The following TSPOAP1 variants were observed in gnomAD, a reference collection of about 807,000 sequenced individuals.
TSPOAP1 encodes the protein peripheral-type benzodiazepine receptor-associated protein 1.
TSPOAP1 carries 87 observed loss-of-function variants against 197.0 expected under a neutral mutation model. That is an observed-to-expected ratio of 0.44 (90% CI 0.37 to 0.53). The LOEUF (loss-of-function observed/expected upper bound fraction) is 0.53. TSPOAP1 is among the 20% of genes least tolerant of loss of function. TSPOAP1 has a pLI of 0.00. For missense variants in TSPOAP1, 2,174 were observed against 2,411.3 expected (o/e 0.90, Z 2.06); for synonymous variants, 913 against 998.9 (o/e 0.91, Z 1.62).
intron 24 of TSPOAP1, chr17:58,307,401 C>T: frequency 1.6e-6 from 1 of 626,790 alleles, no homozygotes; most frequent in South Asian, 2.1e-5. Flanking sequence ...CCCCATTTTA[C>T]CAAAAAGAAA....
At chr17:58,305,926 G>T (rs1970875682) in intron 26 of TSPOAP1, 61 bp from the exon 27 acceptor site, 2 of 1,581,386 alleles carry the variant, frequency 1.3e-6, no homozygotes, top group East Asian at 4.5e-5. Flanking sequence ...TGCAGGTGCT[G>T]CAGCGCAGGC....
intron 11 of TSPOAP1, 74 bp from the exon 12 acceptor site, chr17:58,320,203 G>T: frequency 6.4e-7 from 1 of 1,561,850 alleles, no homozygotes; most frequent in South Asian, 1.1e-5. Context: ...AGAGGGAGGC[G>T]GAGAAGGGGG....
Position 58,308,906 on chromosome 17 carries a change from C to T in TSPOAP1, c.4366G>A (p.Glu1456Lys). ...GCCTCTAGTCCAGTCCTGGGGCCCT[C>T]AATTACGGGGAGGCCACCCCTCTCC... ...TRERGGLPVIEGPRTGLEASG... is the reference protein window; with the variant it reads ...TRERGGLPVIKGPRTGLEASG... The change falls in exon 22 of 32, where the codon GAG (glutamate) becomes AAG (lysine). Residue 1456 changes from glutamate to lysine, a missense_variant. By Grantham distance (56) the Glu-to-Lys change is moderately conservative. This residue lies in a region of TSPOAP1 where 1,933 missense variants were observed against 2,139.0 expected (regional missense o/e 0.90). Transcript: ENST00000343736. The T allele has an allele frequency of 6.3e-7, 1 of 1,596,078 alleles. No homozygotes were observed. Among genetic ancestry groups the T allele is most frequent in the Non-Finnish European group, 8.5e-7 (1 of 1,170,780 alleles).
chr17:58,319,789 A>G (rs1809995484), intron 12 of TSPOAP1, among the ~76,000 whole-genome samples: 1 of 152,222 alleles, frequency 6.6e-6, no homozygotes, highest in African/African-American at 2.4e-5. Flanking sequence ...AAGTTTTCTC[A>G]GGTCTGAGGA....
intron 13 of TSPOAP1, among the ~76,000 whole-genome samples, chr17:58,318,860 C>T (rs1971317708): frequency 6.6e-6 from 1 of 152,154 alleles, no homozygotes; most frequent in Non-Finnish European, 1.5e-5. Flanking sequence ...CCATTCAGGT[C>T]CTTTTGGAAG....
chr17:58,327,069 G>A (rs940896033), intron 1 of TSPOAP1, among the ~76,000 whole-genome samples: 3 of 151,930 alleles, frequency 2.0e-5, no homozygotes, highest in Non-Finnish European at 4.4e-5. Flanking sequence ...ATGCGAGCTC[G>A]AGCTCCCACT....
At position 58,304,831 on chromosome 17, in the gene TSPOAP1, C is replaced by G. The variant is rs1217226616; in HGVS notation, c.5544+230G>C. 1.6e-6 allele frequency: 1 copy of G among 644,624 alleles called. No individual in the cohort carries two copies. The highest frequency in any genetic ancestry group is 2.9e-6 in the Non-Finnish European group (1 of 350,066). 39.9% of individuals were successfully genotyped at this position (644,624 alleles called of 1,614,324 possible). ...AGGTGTTGGCAGCTGGCGAGATGGC[C>G]TGAGGGTCAGGGTCACAGCTATCAT... On this transcript the variant is annotated intron_variant, in intron 30 of 31. Transcript: ENST00000343736. The surrounding 1 kb of genome is among the most constrained non-coding windows in gnomAD (Gnocchi z 4.2).
intron 26 of TSPOAP1, 95 bp downstream of exon 26, chr17:58,306,247 C>T: frequency 7.8e-7 from 1 of 1,277,276 alleles, no homozygotes; most frequent in Non-Finnish European, 1.1e-6. Context: ...CACACACATC[C>T]TCCCAGCACC....
chr17:58,314,759 G>A (rs916424418), intron 16 of TSPOAP1, among the ~76,000 whole-genome samples: 2 of 152,248 alleles, frequency 1.3e-5, no homozygotes, highest in Non-Finnish European at 2.9e-5. Flanking sequence ...GGGAGACAAA[G>A]GCAGGAGTCT....
rs756156458 is a variant in TSPOAP1 at position 58,310,129 on chromosome 17, A to C, written c.3729T>G (p.His1243Gln). 7.4e-6 allele frequency: 12 copies of C among 1,613,190 alleles called. No individual in the cohort carries two copies. The highest frequency in any genetic ancestry group is 1.0e-5 in the Non-Finnish European group (12 of 1,179,988). ...CGTGGTCCACGAGGGAGTTCACCAG[A>C]TGAACCCCAAGCTCTGCTGTGTCCT... The part of the protein sequence containing the change: ...EKEDTAELGV[H>Q]LVNSLVDHGR... Residue 1243 changes from histidine to glutamine, a missense_variant, in exon 21 of 32, where the codon CAT becomes CAG. His to Gln is a conservative substitution (Grantham distance 24, BLOSUM62 0). This residue lies in a region of TSPOAP1 where 1,933 missense variants were observed against 2,139.0 expected (regional missense o/e 0.90). Transcript: ENST00000343736.
Position 58,309,255 on chromosome 17 carries a change from T to G in TSPOAP1, c.4017A>C (p.Glu1339Asp). Reference sequence around the variant, plus strand: ...ACTTCTCCTCCTCCTCGTCCTCCTCTTCCTCTTCCTCCTCCTCCGGGATGC... The same window carrying G: ...ACTTCTCCTCCTCCTCGTCCTCCTCGTCCTCTTCCTCCTCCTCCGGGATGC... ...LFSIPEEEEE[E>D]EEDEEEEKSG... The change falls in exon 22 of 32, where the codon GAA (glutamate) becomes GAC (aspartate). Residue 1339 changes from glutamate (E) to aspartate (D), a missense_variant. By Grantham distance (45) the Glu-to-Asp change is conservative. Transcript: ENST00000343736. The surrounding 1 kb of genome is among the most constrained non-coding windows in gnomAD (Gnocchi z 5.0). The G allele has an allele frequency of 1.2e-6, 2 of 1,613,568 alleles. No homozygotes were observed. Among genetic ancestry groups the G allele is most frequent in the Non-Finnish European group, 1.7e-6 (2 of 1,179,756 alleles).
At position 58,309,869 on chromosome 17, in the gene TSPOAP1, T is replaced by C; in HGVS notation, c.3891+98A>G. On this transcript the variant is annotated intron_variant, in intron 21 of 31. Transcript: ENST00000343736. The surrounding 1 kb of genome is among the most constrained non-coding windows in gnomAD (Gnocchi z 5.0). The stretch of plus-strand genomic sequence containing the variant: ...GCCCAGGCCACAGACCTAGAATGTT[T>C]CTGGCACTCAGTGGTGGTCAGAGCA... 6.9e-7 allele frequency: 1 copy of C among 1,449,684 alleles called. No homozygotes were observed. The highest frequency in any genetic ancestry group is 9.3e-7 in the Non-Finnish European group (1 of 1,075,152). 89.8% of individuals were successfully genotyped at this position (1,449,684 alleles called of 1,614,324 possible). A position where few individuals can be genotyped will look rare whatever the true frequency, so the allele number is the denominator to read the frequency against.
At position 58,310,748 on chromosome 17, in the gene TSPOAP1, C is replaced by T. The variant is rs1971053473; in HGVS notation, c.3463G>A (p.Glu1155Lys). 3 of 1,611,498 alleles carry T rather than the reference C, an allele frequency of 1.9e-6. No individual in the cohort carries two copies. Among genetic ancestry groups the T allele is most frequent in the Non-Finnish European group, 2.5e-6 (3 of 1,178,834 alleles). ...EDPPAPCSQE[E>K]AGAAVLGTSE... ...GTGCCCAGCACTGCTGCCCCAGCCT[C>T]CTCCTGGAACAGAGAGCACTGAGGA... Residue 1155 changes from glutamate (E) to lysine (K), a missense_variant, in exon 20 of 32, where the codon GAG (glutamate) becomes AAG (lysine). Around this residue, in one of 5 missense-constraint regions of TSPOAP1, gnomAD observed 1,933 missense variants for 2,139.0 expected, o/e 0.90. Transcript: ENST00000343736.
At position 58,322,832 on chromosome 17, in the gene TSPOAP1, C is replaced by T. The variant is rs994560407; in HGVS notation, c.1195-56G>A. 2 of 1,608,254 alleles carry T rather than the reference C, an allele frequency of 1.2e-6. No individual in the cohort carries two copies. Among genetic ancestry groups the T allele is most frequent in the Non-Finnish European group, 1.7e-6 (2 of 1,176,984 alleles). ...TGGGTGAGCCTTGACCCACCAGCACCCTCACAGGGGGAACAGTACCCTACC... is the reference window on the plus strand; with the variant it reads ...TGGGTGAGCCTTGACCCACCAGCACTCTCACAGGGGGAACAGTACCCTACC... On this transcript the variant is annotated intron_variant, in intron 8 of 31. Transcript: ENST00000343736. This position sits in a 1 kb window ranked among gnomAD's most constrained non-coding sequence, Gnocchi z 5.0.
Position 58,326,814 on chromosome 17 carries a change from C to T in TSPOAP1, c.334-24G>A. 1 of 1,604,758 alleles carries T rather than the reference C, an allele frequency of 6.2e-7. No homozygotes were observed. Among genetic ancestry groups the T allele is most frequent in the East Asian group, 2.2e-5 (1 of 44,836 alleles). On this transcript the variant is annotated intron_variant, in intron 1 of 31. Transcript: ENST00000343736. The surrounding 1 kb of genome is among the most constrained non-coding windows in gnomAD (Gnocchi z 4.7). Reference sequence around the variant, plus strand: ...GCCTGGCATGGGAAAGGACCGAGGACAGCACCTCAGAAACCCACGTCACCC... The same window carrying T: ...GCCTGGCATGGGAAAGGACCGAGGATAGCACCTCAGAAACCCACGTCACCC...
chr17:58,315,812 C>A (rs1313018535), intron 16 of TSPOAP1, among the ~76,000 whole-genome samples: 1 of 152,072 alleles, frequency 6.6e-6, no homozygotes, highest in Non-Finnish European at 1.5e-5. Flanking sequence ...CTTTCTCTTT[C>A]CCCAGTGGCT....
rs1330679380 is a variant in TSPOAP1 at position 58,324,702 on chromosome 17, C to A, written c.942+109G>T. 6 of 1,002,922 alleles carry A rather than the reference C, an allele frequency of 6.0e-6. No homozygotes were observed. The highest frequency in any genetic ancestry group is 3.0e-5 in the East Asian group (1 of 33,670). 62.1% of individuals were successfully genotyped at this position (1,002,922 alleles called of 1,614,324 possible). On this transcript the variant is annotated intron_variant, in intron 5 of 31. Transcript: ENST00000343736. The surrounding 1 kb of genome is among the most constrained non-coding windows in gnomAD (Gnocchi z 5.8). ...TCCCCAGCCCCTGGGAGTGCGCACA[C>A]CACCACTGAGTCCTTGGGGTTCTGA... is the stretch of plus-strand genomic sequence containing the variant.
rs575086351 is a variant in TSPOAP1, at chr17:58,327,087, C to T, written c.334-297G>A. Among the ~76,000 whole-genome samples the T allele has an allele frequency of 2.2e-4, 33 of 152,294 alleles. No individual in the cohort carries two copies. The East Asian group carries it at 6.4e-3, about 29-fold the overall frequency. ...CGAGCTCGAGCTCCCACTCCCATCC[C>T]TCCAGACTCCCCTGCCCTCCCCCAA... On this transcript the variant is annotated intron_variant, in intron 1 of 31. Coordinates refer to ENST00000343736, the MANE Select transcript of TSPOAP1 (RefSeq NM_004758.4).
intron 14 of TSPOAP1, among the ~76,000 whole-genome samples, chr17:58,317,309 G>C (rs1971269360): frequency 6.6e-6 from 1 of 152,190 alleles, no homozygotes; most frequent in Non-Finnish European, 1.5e-5. Context: ...GGAGCTTGAG[G>C]GGTCCCTGCT....
Sources: gnomAD v4.1 joint callset for allele counts (sites outside exome capture counted in the v4.1 genomes callset) on GRCh38, gnomAD v4.1.1 for gene constraint, gnomAD v4.1.1 regional missense constraint, Gnocchi (gnomAD v3.1) non-coding constraint, MANE v1.5 for transcripts, NCBI Gene and HGNC (gene_info 2026-07-23, HGNC 2026-07-21) for gene names.